Variants in NCAPG observed in about 807,000 individuals in gnomAD.
NCAPG encodes condensin complex subunit 3.
NCAPG carries 69 observed loss-of-function variants against 113.1 expected under a neutral mutation model. The observed-to-expected ratio is 0.61, with a 90% CI of 0.50 to 0.75. The LOEUF (loss-of-function observed/expected upper bound fraction) is 0.75. Among genes scored for constraint, NCAPG ranks in the 30% least tolerant of loss-of-function variants. The pLI is 0.00. For synonymous variants in NCAPG, 370 were observed against 415.8 expected (o/e 0.89, Z 1.34); for missense variants, 1,058 against 1,177.0 (o/e 0.90, Z 1.48).
At chr4:17,815,949 CCTCT>C (rs555784130) in intron 5 of NCAPG, among the ~76,000 whole-genome samples, 1 of 151,478 alleles carries the variant, frequency 6.6e-6, no homozygotes, top group Non-Finnish European at 1.5e-5. Context: ...ATCTATTTGC[CCTCT>C]CTCTCTGACT....
intron 9 of NCAPG, among the ~76,000 whole-genome samples, chr4:17,824,566 CA>C (rs1426583276): frequency 1.3e-5 from 2 of 152,120 alleles, no homozygotes; most frequent in African/African-American, 4.8e-5. Flanking sequence ...ATTGTCTACC[CA>C]AAGGAAGAAT....
At chr4:17,814,568 T>C (rs577041235) in intron 3 of NCAPG, among the ~76,000 whole-genome samples, 1 of 152,318 alleles carries the variant, frequency 6.6e-6, no homozygotes, top group South Asian at 2.1e-4. Context: ...CTCAGCCTCC[T>C]AAGTAACTGG....
chr4:17,829,141 C>T (rs770704417), intron 12 of NCAPG, among the ~76,000 whole-genome samples: 4 of 152,268 alleles, frequency 2.6e-5, no homozygotes, highest in Non-Finnish European at 5.9e-5. Context: ...TTCAGGTGTT[C>T]AGTAGCCACA....
chr4:17,828,196 C>T (rs1721729382), intron 11 of NCAPG, 82 bp from the exon 12 acceptor site: 14 of 880,532 alleles, frequency 1.6e-5, no homozygotes, highest in African/African-American at 5.0e-5. Context: ...ACAGTATGCC[C>T]TACACAAAGC....
intron 6 of NCAPG, 25 bp from the exon 7 acceptor site, chr4:17,817,910 TTCTC>T: frequency 6.4e-7 from 1 of 1,557,824 alleles, no homozygotes; most frequent in Non-Finnish European, 8.6e-7. Flanking sequence ...AGATCATGCT[TTCTC>T]TCACACTCTT....
rs575910706 is a variant in NCAPG, at chr4:17,844,087, T to TATTA, written c.*664_*667dup. 66 of 152,086 alleles carry TATTA rather than the reference T, an allele frequency of 4.3e-4. No individual in the cohort carries two copies. Among genetic ancestry groups the TATTA allele is most frequent in the Middle Eastern group, 3.4e-3 (1 of 294 alleles). 9.4% of individuals were successfully genotyped at this position (152,086 alleles called of 1,614,324 possible). Reference sequence around the variant, plus strand: ...TAGGGAGGTGTCAACATAAATGTATTATTAACCATGAAGCTGCTCGCTATA... The same window carrying TATTA: ...TAGGGAGGTGTCAACATAAATGTATTATTAATTAACCATGAAGCTGCTCGCTATA... On this transcript the variant is annotated 3_prime_UTR_variant, in exon 21 of 21. Coordinates refer to ENST00000251496, the MANE Select transcript of NCAPG (RefSeq NM_022346.5).
chr4:17,833,158 T>C (rs1384919962), intron 13 of NCAPG, among the ~76,000 whole-genome samples: 1 of 151,910 alleles, frequency 6.6e-6, no homozygotes, highest in African/African-American at 2.4e-5. Context: ...GATCATGAGA[T>C]CAGGAGTTTG....
At chr4:17,813,230 C>A in intron 3 of NCAPG, 85 bp downstream of exon 3, 2 of 1,098,168 alleles carry the variant, frequency 1.8e-6, no homozygotes, top group South Asian at 1.6e-5. Flanking sequence ...ATGGTCTATA[C>A]ATTTGAAGAG....
At chr4:17,831,198 A>C (rs1041410359) in intron 13 of NCAPG, 82 bp downstream of exon 13, 2 of 1,368,842 alleles carry the variant, frequency 1.5e-6, no homozygotes, top group South Asian at 1.5e-5. Context: ...GAATTTATCT[A>C]TTCTGATTCT....
rs757238453 is a variant in NCAPG, at chr4:17,834,371, G to A, written c.1957G>A (p.Gly653Arg). The A allele has an allele frequency of 9.3e-6, 15 of 1,608,216 alleles. No individual in the cohort carries two copies. Among genetic ancestry groups the A allele is most frequent in the East Asian group, 4.5e-5 (2 of 44,486 alleles). Residue 653 changes from glycine (G) to arginine (R), a missense_variant, in exon 14 of 21, where the codon GGG becomes AGG. Gly to Arg is a moderately radical substitution (Grantham distance 125). Coordinates refer to ENST00000251496, the MANE Select transcript of NCAPG (RefSeq NM_022346.5). ...AATCTTTGACCAACTGATGACGTTCGGGATTGAACCATTTAAAACTAAAAA... is the reference window on the plus strand; with the variant it reads ...AATCTTTGACCAACTGATGACGTTCAGGATTGAACCATTTAAAACTAAAAA... Reference protein sequence around the residue: ...KAIFDQLMTFGIEPFKTKKIK... With the variant: ...KAIFDQLMTFRIEPFKTKKIK...
At chr4:17,837,937 A>C (rs1722169670) in intron 16 of NCAPG, 136 bp downstream of exon 16, 2 of 864,306 alleles carry the variant, frequency 2.3e-6, no homozygotes, top group Non-Finnish European at 3.7e-6. Flanking sequence ...AGCACGAAAG[A>C]AACATGACCT....
At position 17,839,913 on chromosome 4, in the gene NCAPG, A is replaced by G. The variant is rs532048106; in HGVS notation, c.2628+76A>G. 4.8e-6 allele frequency: 7 copies of G among 1,464,886 alleles called. No individual in the cohort carries two copies. In the South Asian group the frequency reaches 6.4e-5, roughly 13 times the overall value. 90.7% of individuals were successfully genotyped at this position (1,464,886 alleles called of 1,614,324 possible). A position where few individuals can be genotyped will look rare whatever the true frequency, so the allele number is the denominator to read the frequency against. On this transcript the variant is annotated intron_variant, in intron 17 of 20. Transcript: ENST00000251496. ...TGTAGAATTTACATGGTTGTATTAGATTATACATATGTTAGCATATTGTGA... is the reference window on the plus strand; with the variant it reads ...TGTAGAATTTACATGGTTGTATTAGGTTATACATATGTTAGCATATTGTGA...
Position 17,844,441 on chromosome 4 carries a change from G to C in NCAPG, c.*1016G>C, listed in dbSNP as rs904210698. The C allele has an allele frequency of 6.6e-6, 1 of 152,350 alleles. No individual in the cohort carries two copies. The highest frequency in any genetic ancestry group is 6.6e-5 in the Admixed American group (1 of 15,240). 9.4% of individuals were successfully genotyped at this position (152,350 alleles called of 1,614,324 possible). A position where few individuals can be genotyped will look rare whatever the true frequency, so the allele number is the denominator to read the frequency against. Reference sequence around the variant, plus strand: ...CCATTTACTTAAGGTGAAATTTTAAGATGGAGCTAAAGTAAGATCACTGGT... The same window carrying C: ...CCATTTACTTAAGGTGAAATTTTAACATGGAGCTAAAGTAAGATCACTGGT... On this transcript the variant is annotated 3_prime_UTR_variant, in exon 21 of 21. Transcript: ENST00000251496.
chr4:17,824,933 A>G, intron 9 of NCAPG, 35 bp from the exon 10 acceptor site: 1 of 1,459,630 alleles, frequency 6.9e-7, no homozygotes. Context: ...CTGATATATC[A>G]AACATATATT....
chr4:17,836,758 G>T (rs1722112926), intron 14 of NCAPG, among the ~76,000 whole-genome samples: 1 of 152,116 alleles, frequency 6.6e-6, no homozygotes, highest in South Asian at 2.1e-4. Context: ...CAGACAAATT[G>T]CACTCCTACA....
At chr4:17,833,875 G>A (rs1210304405) in intron 13 of NCAPG, among the ~76,000 whole-genome samples, 2 of 152,060 alleles carry the variant, frequency 1.3e-5, no homozygotes, top group Non-Finnish European at 2.9e-5. Context: ...GCCTTTCATT[G>A]CTTAGAATGT....
At chr4:17,837,032 A>G (rs938675004) in intron 14 of NCAPG, 127 bp from the exon 15 acceptor site, 2 of 739,058 alleles carry the variant, frequency 2.7e-6, no homozygotes, top group African/African-American at 3.6e-5. Context: ...ATTTGCCTTT[A>G]AAGAATTTGT....
At chr4:17,817,566 CT>C in intron 6 of NCAPG, 113 bp downstream of exon 6, 1 of 813,396 alleles carries the variant, frequency 1.2e-6, no homozygotes, top group Non-Finnish European at 1.9e-6. Context: ...TCTTAACTCT[CT>C]TTTGTTTTCT....
chr4:17,828,222 AT>A, intron 11 of NCAPG, 55 bp from the exon 12 acceptor site: 1 of 1,298,778 alleles, frequency 7.7e-7, no homozygotes. Flanking sequence ...GAAAGCAAAC[AT>A]TTAAAGGATG....
Sources: gnomAD v4.1 joint callset for allele counts (sites outside exome capture counted in the v4.1 genomes callset) on GRCh38, gnomAD v4.1.1 for gene constraint, MANE v1.5 for transcripts, NCBI Gene and HGNC (gene_info 2026-07-23, HGNC 2026-07-21) for gene names.